Variants in VTA1 observed in about 807,000 individuals in gnomAD.
VTA1 encodes vacuolar protein sorting-associated protein VTA1 homolog.
In VTA1, 24 loss-of-function variants were observed where a neutral mutation model predicts 36.9. That is an observed-to-expected ratio of 0.65 (90% CI 0.47 to 0.91). VTA1 has a LOEUF of 0.91. Ranked by LOEUF, VTA1 falls within the 40% of genes least tolerant of loss-of-function variation. The pLI, the probability that VTA1 is intolerant of heterozygous loss-of-function variation, is 0.00. For synonymous variants in VTA1, 142 were observed against 130.2 expected, an observed-to-expected ratio of 1.09 and a Z score of -0.62; for missense variants, 393 against 377.2, an observed-to-expected ratio of 1.04 and a Z score of -0.35.
intron 7 of VTA1, among the ~76,000 whole-genome samples, chr6:142,210,875 A>G (rs1310887799): frequency 2.0e-5 from 3 of 151,996 alleles, no homozygotes; most frequent in African/African-American, 7.3e-5. Context: ...TCTCATGTTT[A>G]TCGCAGCACT....
At chr6:142,164,405 T>C (rs562846402) in intron 1 of VTA1, among the ~76,000 whole-genome samples, 5 of 152,148 alleles carry the variant, frequency 3.3e-5, no homozygotes, top group East Asian at 3.9e-4. Flanking sequence ...AATACCTAGA[T>C]GGATCGAATT....
intron 5 of VTA1, among the ~76,000 whole-genome samples, chr6:142,191,741 A>G (rs899766252): frequency 3.9e-5 from 6 of 152,086 alleles, no homozygotes; most frequent in Non-Finnish European, 5.9e-5. Flanking sequence ...GCTTAATGTC[A>G]TAACCTCTAA....
intron 2 of VTA1, among the ~76,000 whole-genome samples, chr6:142,169,288 G>A (rs373119678): frequency 1.6e-4 from 25 of 152,112 alleles, no homozygotes; most frequent in Admixed American, 1.2e-3. Flanking sequence ...ATCCTTTTAT[G>A]CTTGGTTATT....
intron 5 of VTA1, among the ~76,000 whole-genome samples, chr6:142,191,788 A>G (rs1775460907): frequency 6.6e-6 from 1 of 152,084 alleles, no homozygotes; most frequent in South Asian, 2.1e-4. Context: ...TATCTACAAG[A>G]TATAATGTCA....
At chr6:142,182,271 C>G (rs1582889813) in intron 4 of VTA1, among the ~76,000 whole-genome samples, 1 of 152,022 alleles carries the variant, frequency 6.6e-6, no homozygotes, top group East Asian at 1.9e-4. Flanking sequence ...TATTCTTGTT[C>G]AAGAAATAAC....
At chr6:142,198,147 G>A (rs996179106) in intron 5 of VTA1, among the ~76,000 whole-genome samples, 6 of 148,826 alleles carry the variant, frequency 4.0e-5, no homozygotes, top group African/African-American at 1.5e-4. Context: ...GTGTGTGTGT[G>A]TGTGTGTGTG....
intron 1 of VTA1, among the ~76,000 whole-genome samples, chr6:142,159,715 G>A (rs760663291): frequency 2.6e-5 from 4 of 151,348 alleles, no homozygotes; most frequent in African/African-American, 7.3e-5. Flanking sequence ...GGGTTTCACC[G>A]TGTTGGCCAG....
intron 1 of VTA1, among the ~76,000 whole-genome samples, chr6:142,160,428 G>C (rs1774778437): frequency 6.6e-6 from 1 of 152,180 alleles, no homozygotes; most frequent in African/African-American, 2.4e-5. Context: ...TTAGTATTCA[G>C]CTGAGTCTCC....
At position 142,210,763 on chromosome 6, in the gene VTA1, C is replaced by G. The variant is rs570028674; in HGVS notation, c.778+6698C>G. Among the ~76,000 whole-genome samples, 7 of 152,144 alleles carry G rather than the reference C, an allele frequency of 4.6e-5. No individual in the cohort carries two copies. In the South Asian group the frequency reaches 1.4e-3, roughly 32 times the overall value. On this transcript the variant is annotated intron_variant, in intron 7 of 7. Coordinates refer to ENST00000367630, the MANE Select transcript of VTA1 (RefSeq NM_016485.5). ...CATAGAGAACAGTGCAGAGGTTTCT[C>G]AAATAACTAAAAATAGAAGTACCAT...
chr6:142,189,825 C>G (rs1775417040), intron 5 of VTA1, among the ~76,000 whole-genome samples: 1 of 151,994 alleles, frequency 6.6e-6, no homozygotes. Context: ...GGCGCAGTCT[C>G]TGCTCACTGG....
In VTA1 at chr6:142,218,703, A is replaced by G. The variant is rs946753733; in HGVS notation, c.*60A>G. The G allele has an allele frequency of 6.8e-5, 102 of 1,510,436 alleles. No homozygotes were observed. The highest frequency in any genetic ancestry group is 3.9e-4 in the East Asian group (16 of 41,190). The allele number at this position is 1,510,436 out of a possible 1,614,324, so 93.6% of individuals were successfully genotyped here. Reference sequence around the variant, plus strand: ...TGAGGAACTAACAGTCCATTACTCTATCTTCAGCCTATCAGGATCACAGTT... The same window carrying G: ...TGAGGAACTAACAGTCCATTACTCTGTCTTCAGCCTATCAGGATCACAGTT... On this transcript the variant is annotated 3_prime_UTR_variant, in exon 8 of 8. Coordinates refer to ENST00000367630, the MANE Select transcript of VTA1 (RefSeq NM_016485.5).
At chr6:142,164,160 A>G (rs1297092539) in intron 1 of VTA1, among the ~76,000 whole-genome samples, 4 of 152,166 alleles carry the variant, frequency 2.6e-5, no homozygotes, top group African/African-American at 9.7e-5. Context: ...TCTTTGGGAA[A>G]TTTTGGCAAT....
intron 4 of VTA1, among the ~76,000 whole-genome samples, chr6:142,174,775 A>G (rs918139914): frequency 2.0e-5 from 3 of 152,060 alleles, no homozygotes; most frequent in Non-Finnish European, 4.4e-5. Context: ...CCCCATGGTA[A>G]TAAGTGAGTT....
intron 1 of VTA1, among the ~76,000 whole-genome samples, chr6:142,163,234 G>A (rs1774843692): frequency 6.6e-6 from 1 of 151,958 alleles, no homozygotes. Flanking sequence ...ACACTTCCAA[G>A]GTTGCTTTGT....
intron 7 of VTA1, among the ~76,000 whole-genome samples, chr6:142,206,542 G>A (rs1225534683): frequency 1.3e-5 from 2 of 152,088 alleles, no homozygotes; most frequent in Non-Finnish European, 2.9e-5. Context: ...ATAGATTATG[G>A]ACAGTTCCCA....
At chr6:142,152,795 A>G (rs1217778995) in intron 1 of VTA1, among the ~76,000 whole-genome samples, 1 of 152,174 alleles carries the variant, frequency 6.6e-6, no homozygotes, top group Non-Finnish European at 1.5e-5. Context: ...ATCTTAGAGC[A>G]TATAATAATT....
intron 1 of VTA1, among the ~76,000 whole-genome samples, chr6:142,152,936 T>A (rs540221548): frequency 2.1e-4 from 32 of 152,214 alleles, no homozygotes; most frequent in Non-Finnish European, 1.9e-4. Context: ...CCTTCTGCAT[T>A]CCTATTAATT....
intron 7 of VTA1, among the ~76,000 whole-genome samples, chr6:142,214,731 A>G (rs754014003): frequency 1.9e-4 from 29 of 152,370 alleles, no homozygotes; most frequent in Non-Finnish European, 3.5e-4. Context: ...TGTGACAAAT[A>G]TACCACTCAA....
intron 7 of VTA1, among the ~76,000 whole-genome samples, chr6:142,209,563 T>C (rs561384008): frequency 1.0e-4 from 15 of 149,138 alleles, no homozygotes; most frequent in Non-Finnish European, 2.1e-4. Flanking sequence ...TATTAATAAC[T>C]AAGAAAAACT....
Sources: allele counts gnomAD v4.1 joint callset (sites outside exome capture counted in the v4.1 genomes callset), GRCh38; gene constraint gnomAD v4.1.1; transcripts MANE v1.5; gene names NCBI Gene and HGNC (gene_info 2026-07-23, HGNC 2026-07-21).